The following DDI2 variants were observed in gnomAD, a reference collection of about 807,000 sequenced individuals.
DDI2 encodes protein DDI1 homolog 2.
Under a neutral mutation model 48.1 loss-of-function variants are expected in DDI2, and 5 were observed. The observed-to-expected ratio is 0.10, with a 90% confidence interval of 0.05 to 0.22. The LOEUF is 0.22. Ranked by LOEUF, DDI2 falls within the 10% of genes least tolerant of loss-of-function variation. The probability of loss-of-function intolerance (pLI) is 1.00; values close to 1 mark genes in which losing one functional copy is unlikely to be tolerated. For synonymous variants in DDI2, 205 were observed against 183.6 expected (o/e 1.12, Z -0.94); for missense variants, 285 against 506.2 (o/e 0.56, Z 4.19).
chr1:15,659,786 C>CT, intron 9 of DDI2, 51 bp from the exon 10 acceptor site: 1 of 1,469,650 alleles, frequency 6.8e-7, no homozygotes. Context: ...AATTTAGTGG[C>CT]ATTAGTCACC....
intron 6 of DDI2, among the ~76,000 whole-genome samples, chr1:15,644,474 C>T (rs976263407): frequency 1.3e-5 from 2 of 151,622 alleles, no homozygotes; most frequent in Admixed American, 6.6e-5. Flanking sequence ...TTCACAATTT[C>T]GAGGCATTGC....
rs1640042257 is a variant in DDI2 at position 15,643,549 on chromosome 1, C to T, written c.788C>T (p.Ala263Val). Reference protein sequence around the residue: ...SGAQMTIMSQACAERCNIMRL... With the variant: ...SGAQMTIMSQVCAERCNIMRL... Reference sequence around the variant, plus strand: ...GCCCAGATGACTATCATGAGCCAAGCTTGTGCAGAAAGGTGTAACATAATG... The same window carrying T: ...GCCCAGATGACTATCATGAGCCAAGTTTGTGCAGAAAGGTGTAACATAATG... The change falls in exon 6 of 10, where the codon GCT becomes GTT. Residue 263 changes from alanine (A) to valine (V), a missense_variant. By Grantham distance (64) the Ala-to-Val change is moderately conservative. Around this residue, in one of 3 missense-constraint regions of DDI2, gnomAD observed 70 missense variants for 182.3 expected, o/e 0.38. Transcript: ENST00000480945. 5.0e-6 allele frequency: 8 copies of T among 1,613,992 alleles called. No individual in the cohort carries two copies. Among genetic ancestry groups the T allele is most frequent in the Non-Finnish European group, 6.8e-6 (8 of 1,179,984 alleles).
intron 3 of DDI2, among the ~76,000 whole-genome samples, chr1:15,631,439 C>A (rs1323339224): frequency 6.6e-6 from 1 of 152,196 alleles, no homozygotes; most frequent in South Asian, 2.1e-4. Context: ...CTTTATGAAT[C>A]GAGTTTTCTC....
At chr1:15,642,949 C>T (rs906322842) in intron 5 of DDI2, among the ~76,000 whole-genome samples, 5 of 152,138 alleles carry the variant, frequency 3.3e-5, no homozygotes, top group African/African-American at 9.7e-5. Flanking sequence ...CAACTGTAGT[C>T]GCAGCTACTT....
intron 8 of DDI2, 45 bp downstream of exon 8, chr1:15,651,940 A>G (rs1024320104): frequency 6.4e-7 from 1 of 1,567,754 alleles, no homozygotes; most frequent in Non-Finnish European, 8.7e-7. Flanking sequence ...ATTGATGGGT[A>G]AGCCCGGGAA....
rs189199365 is a variant in DDI2 at position 15,627,038 on chromosome 1, G to A, written c.268+240G>A. ...TAAAGCTGACGTGAGGCTAATGCAT[G>A]TAAAATCTTAGCACACAGCAAGCCC... On this transcript the variant is annotated intron_variant, in intron 2 of 9. Coordinates refer to ENST00000480945, the MANE Select transcript of DDI2 (RefSeq NM_032341.5). The A allele has an allele frequency of 5.6e-4, 289 of 511,848 alleles. 2 individuals carry two copies. In the East Asian group the frequency reaches 6.6e-3, roughly 12 times the overall value. 31.7% of individuals were successfully genotyped at this position (511,848 alleles called of 1,614,324 possible).
chr1:15,658,933 T>C (rs1277537248), intron 9 of DDI2, among the ~76,000 whole-genome samples: 2 of 152,142 alleles, frequency 1.3e-5, no homozygotes, highest in Non-Finnish European at 2.9e-5. Context: ...TGAAAAACTA[T>C]TAATGAACCA....
chr1:15,652,042 T>G (rs1050749409), intron 8 of DDI2, 147 bp downstream of exon 8: 4 of 325,958 alleles, frequency 1.2e-5, no homozygotes, highest in Non-Finnish European at 1.0e-5. Flanking sequence ...CTTCTTAACC[T>G]CCTTCTTTGA....
In DDI2 at chr1:15,662,298, TGG is replaced by T. The variant is rs1640395610; in HGVS notation, c.*2509_*2510del. ...AATAATTGAATATCTTATCGTAGAG[TGG>T]TATGTTTTTATTTGTGTGCTTAGGA... On this transcript the variant is annotated 3_prime_UTR_variant, in exon 10 of 10. Transcript: ENST00000480945. 6.6e-6 allele frequency: 1 copy of T among 152,170 alleles called. No individual in the cohort carries two copies. Among genetic ancestry groups the T allele is most frequent in the South Asian group, 2.1e-4 (1 of 4,818 alleles). 9.4% of individuals were successfully genotyped at this position (152,170 alleles called of 1,614,324 possible).
chr1:15,645,466 T>C (rs187058122), intron 6 of DDI2, among the ~76,000 whole-genome samples: 105 of 152,368 alleles, frequency 6.9e-4, no homozygotes, highest in African/African-American at 2.2e-3. Flanking sequence ...CTGTGGGATT[T>C]CTTCAACTTT....
chr1:15,638,250 C>CT, intron 4 of DDI2, 57 bp from the exon 5 acceptor site: 4 of 1,606,628 alleles, frequency 2.5e-6, no homozygotes, highest in Non-Finnish European at 3.4e-6. Flanking sequence ...GACTTTGAAA[C>CT]TGATTTCTCT....
chr1:15,636,555 C>T (rs981204584), intron 4 of DDI2, among the ~76,000 whole-genome samples: 1 of 152,100 alleles, frequency 6.6e-6, no homozygotes, highest in Non-Finnish European at 1.5e-5. Flanking sequence ...TCACTGCAGC[C>T]TCAGCCTCCC....
chr1:15,649,654 A>G (rs1215430569), intron 6 of DDI2, 66 bp from the exon 7 acceptor site: 1 of 1,518,330 alleles, frequency 6.6e-7, no homozygotes, highest in Non-Finnish European at 8.9e-7. Flanking sequence ...CTGGGCAACA[A>G]GAGCGAAACT....
intron 1 of DDI2, among the ~76,000 whole-genome samples, chr1:15,621,270 A>G (rs1180483393): frequency 6.6e-6 from 1 of 152,322 alleles, no homozygotes; most frequent in East Asian, 1.9e-4. Context: ...TGTAGGTGGC[A>G]TATGGAAAAA....
chr1:15,627,066 A>G (rs1336941882), intron 2 of DDI2: 3 of 410,520 alleles, frequency 7.3e-6, no homozygotes, highest in African/African-American at 6.1e-5. Flanking sequence ...GCAAGCCCTC[A>G]ATAAATGTTA....
chr1:15,634,645 C>T (rs1446317819), intron 4 of DDI2, among the ~76,000 whole-genome samples: 1 of 148,558 alleles, frequency 6.7e-6, no homozygotes, highest in Non-Finnish European at 1.5e-5. Flanking sequence ...GGTGTTCTCA[C>T]CTTAGCCTCC....
chr1:15,622,198 C>CT (rs923707351), intron 1 of DDI2, among the ~76,000 whole-genome samples: 1,454 of 131,198 alleles, frequency 0.011, 21 homozygotes, highest in Middle Eastern at 0.031. Flanking sequence ...GTAGCTGCGA[C>CT]TTTTTTTTTT....
chr1:15,661,020 C>G lies in DDI2; in HGVS notation c.*1230C>G. 6.2e-7 allele frequency: 1 copy of G among 1,614,082 alleles called. No individual in the cohort carries two copies. Among genetic ancestry groups the G allele is most frequent in the Non-Finnish European group, 8.5e-7 (1 of 1,180,012 alleles). ...AAGAAGTAATCTGTCAATCAGAAAC[C>G]ATAGCTGAGGGCCAAACCAGTATTA... On this transcript the variant is annotated 3_prime_UTR_variant, in exon 10 of 10. Coordinates refer to ENST00000480945, the MANE Select transcript of DDI2 (RefSeq NM_032341.5).
chr1:15,628,486 A>G (rs1336551714), intron 2 of DDI2, among the ~76,000 whole-genome samples: 2 of 152,200 alleles, frequency 1.3e-5, no homozygotes, highest in African/African-American at 4.8e-5. Context: ...TAAAATCCTT[A>G]ATAGTGCAAG....
Sources: allele counts gnomAD v4.1 joint callset (sites outside exome capture counted in the v4.1 genomes callset), GRCh38; gene constraint gnomAD v4.1.1; regional missense constraint gnomAD v4.1.1; transcripts MANE v1.5; gene names NCBI Gene and HGNC (gene_info 2026-07-23, HGNC 2026-07-21).